The following MROH1 variants were observed in gnomAD, a reference collection of about 807,000 sequenced individuals.
MROH1 encodes maestro heat like repeat family member 1, also known as maestro heat-like repeat-containing protein family member 1.
In MROH1, 117 loss-of-function variants were observed where a neutral mutation model predicts 116.5. The ratio of observed to expected loss-of-function variants is 1.00; its 90% CI spans 0.86 to 1.17. The LOEUF (loss-of-function observed/expected upper bound fraction) is 1.17, where lower values mean the gene tolerates loss of function less well. MROH1 is among the 50% of genes most tolerant of loss of function. MROH1 has a pLI of 0.00. For missense variants in MROH1, 1,873 were observed against 1,338.5 expected (o/e 1.40, Z -6.23); for synonymous variants, 921 against 583.9 (o/e 1.58, Z -8.32).
chr8:144,185,881 T>C (rs1225214339), intron 7 of MROH1, among the ~76,000 whole-genome samples: 1 of 11,158 alleles, frequency 9.0e-5, no homozygotes, highest in Admixed American at 1.1e-3. Flanking sequence ...GCAGGGACCG[T>C]GGGGGGATGG....
chr8:144,201,037 AAAT>A (rs557098154), intron 12 of MROH1: 2 of 152,410 alleles, frequency 1.3e-5, no homozygotes. Context: ...TAGACTAAAA[AAAT>A]TCACGTTTCC....
chr8:144,257,737 G>A lies in MROH1; in HGVS notation c.3792-1040G>A, dbSNP rs966539923. On this transcript the variant is annotated intron_variant, in intron 35 of 43. Transcript: ENST00000326134. ...GGGCCCTGTGGGACACCTGGCAGGA[G>A]GTGACCAGGGCAGTGGCACTGTCAC... is the stretch of plus-strand genomic sequence containing the variant. 9.8e-3 allele frequency among the ~76,000 whole-genome samples: 1,499 copies of A among 152,356 alleles called. 28 individuals carry two copies. The highest frequency in any genetic ancestry group is 0.035 in the African/African-American group (1,436 of 41,582).
intron 10 of MROH1, among the ~76,000 whole-genome samples, chr8:144,195,060 T>C (rs1042765034): frequency 1.3e-4 from 19 of 151,358 alleles, no homozygotes; most frequent in Admixed American, 9.2e-4. Flanking sequence ...CCAGGTGTCA[T>C]GGCGCATGCC....
chr8:144,237,210 C>G (rs1389958320), intron 14 of MROH1, among the ~76,000 whole-genome samples: 1 of 152,166 alleles, frequency 6.6e-6, no homozygotes, highest in African/African-American at 2.4e-5. Context: ...TGGCCAGAGC[C>G]TCTCCTATTC....
At chr8:144,256,349 G>A (rs1843778656) in intron 35 of MROH1, among the ~76,000 whole-genome samples, 1 of 148,584 alleles carries the variant, frequency 6.7e-6, no homozygotes, top group Non-Finnish European at 1.5e-5. Flanking sequence ...CCAGGTTTGG[G>A]TGTGCACCTT....
intron 12 of MROH1, among the ~76,000 whole-genome samples, chr8:144,211,032 C>A (rs983156411): frequency 6.6e-6 from 1 of 152,178 alleles, no homozygotes; most frequent in African/African-American, 2.4e-5. Flanking sequence ...CCCCTCCGTT[C>A]TTCTCTTTCT....
chr8:144,218,655 C>CT (rs1835806501), intron 12 of MROH1, among the ~76,000 whole-genome samples: 1 of 114,400 alleles, frequency 8.7e-6, no homozygotes, highest in Non-Finnish European at 1.8e-5. Context: ...ACCATCCTCC[C>CT]CTCCTCTCCC....
Position 144,179,643 on chromosome 8 carries a change from GCTT to G in MROH1, c.300+61_300+63del, listed in dbSNP as rs1825034978. On this transcript the variant is annotated intron_variant, in intron 5 of 43. Transcript: ENST00000326134. ...CAGGCCTAGCTTGGGAAGGGAAGCTGCTTCTTGGCCTTTCTACCCAGCAGCCTT... is the reference window on the plus strand; with the variant it reads ...CAGGCCTAGCTTGGGAAGGGAAGCTGCTTGGCCTTTCTACCCAGCAGCCTT... The G allele has an allele frequency of 7.1e-6, 11 of 1,554,426 alleles. No homozygotes were observed. In the African/African-American group the frequency reaches 1.2e-4, roughly 17 times the overall value.
intron 2 of MROH1, among the ~76,000 whole-genome samples, chr8:144,161,395 C>T (rs1383837296): frequency 6.6e-6 from 1 of 152,192 alleles, no homozygotes; most frequent in Non-Finnish European, 1.5e-5. Flanking sequence ...CTCTAAAGTT[C>T]TCTCTGGGCA....
At chr8:144,169,200 G>A (rs1402410336) in intron 4 of MROH1, among the ~76,000 whole-genome samples, 2 of 152,166 alleles carry the variant, frequency 1.3e-5, no homozygotes, top group Non-Finnish European at 2.9e-5. Flanking sequence ...AGGGGAAGAG[G>A]CTTTTGCAGT....
chr8:144,217,214 G>T (rs1255494803), intron 12 of MROH1, among the ~76,000 whole-genome samples: 1 of 152,182 alleles, frequency 6.6e-6, no homozygotes, highest in Non-Finnish European at 1.5e-5. Flanking sequence ...AGTGACAGGG[G>T]TGGCAGACAA....
chr8:144,161,836 C>T (rs1819611457), intron 2 of MROH1, among the ~76,000 whole-genome samples: 1 of 152,146 alleles, frequency 6.6e-6, no homozygotes, highest in Non-Finnish European at 1.5e-5. Context: ...TGCTGGCTAC[C>T]CGCAGGGCAC....
In MROH1 at chr8:144,242,445, C is replaced by T. The variant is rs1841171911; in HGVS notation, c.2255C>T (p.Pro752Leu). The change falls in exon 23 of 44, where the codon CCC (proline) becomes CTC (leucine). Residue 752 changes from proline to leucine, a missense_variant. Coordinates refer to ENST00000326134, the MANE Select transcript of MROH1 (RefSeq NM_032450.3). The part of the protein sequence containing the change: ...LCYGHVAARA[P>L]RELVLAKVES... ...TATGGGCACGTGGCGGCCCGGGCCC[C>T]CCGGGAGCTGGTGCTGGCCAAGGTA... is the stretch of plus-strand genomic sequence containing the variant. The T allele has an allele frequency of 9.0e-6, 7 of 780,534 alleles. No individual in the cohort carries two copies. Among genetic ancestry groups the T allele is most frequent in the Admixed American group, 1.7e-5 (1 of 59,012 alleles). 48.4% of individuals were successfully genotyped at this position (780,534 alleles called of 1,614,324 possible). A position where few individuals can be genotyped will look rare whatever the true frequency, so the allele number is the denominator to read the frequency against.
Position 144,212,771 on chromosome 8 carries a change from A to G in MROH1, c.1142-7829A>G, listed in dbSNP as rs138791907. Among the ~76,000 whole-genome samples, 654 of 151,426 alleles carry G rather than the reference A, an allele frequency of 4.3e-3. 6 individuals carry two copies. Among genetic ancestry groups the G allele is most frequent in the African/African-American group, 0.015 (618 of 41,260 alleles). On this transcript the variant is annotated intron_variant, in intron 12 of 43. Transcript: ENST00000326134. ...CACCCAGTTAATTTTTGTATTTTTT[A>G]GTACAGATAGGGTTTCACCATGTTG...
At chr8:144,209,819 T>A (rs2132077229) in intron 12 of MROH1, among the ~76,000 whole-genome samples, 1 of 148,210 alleles carries the variant, frequency 6.7e-6, no homozygotes, top group African/African-American at 2.5e-5. Context: ...GGTGAGAGGA[T>A]CACCTGAGCC....
intron 3 of MROH1, among the ~76,000 whole-genome samples, chr8:144,167,754 A>G (rs1398683040): frequency 6.6e-6 from 1 of 152,126 alleles, no homozygotes; most frequent in Non-Finnish European, 1.5e-5. Context: ...GGATGAGGCT[A>G]TGTCTTTATT....
At position 144,214,711 on chromosome 8, in the gene MROH1, C is replaced by G. The variant is rs147688027; in HGVS notation, c.1142-5889C>G. On this transcript the variant is annotated intron_variant, in intron 12 of 43. Coordinates refer to ENST00000326134, the MANE Select transcript of MROH1 (RefSeq NM_032450.3). ...CTTTGTCTCCTCTTCTGGGAGGCAA[C>G]TGCTCATGGCTCATGTCCATTTTTC... 3.7e-3 allele frequency among the ~76,000 whole-genome samples: 565 copies of G among 152,320 alleles called. 2 individuals carry two copies. The highest frequency in any genetic ancestry group is 0.013 in the African/African-American group (537 of 41,578).
intron 4 of MROH1, among the ~76,000 whole-genome samples, chr8:144,176,036 G>A (rs1220039111): frequency 6.6e-6 from 1 of 151,856 alleles, no homozygotes; most frequent in Admixed American, 6.6e-5. Context: ...GTGACAGGGC[G>A]AGACTCTGTC....
chr8:144,231,284 C>T (rs1249881844), intron 14 of MROH1, among the ~76,000 whole-genome samples: 6 of 152,026 alleles, frequency 3.9e-5, no homozygotes, highest in African/African-American at 1.2e-4. Context: ...TCCACAAAGC[C>T]GCCATTGTCA....
Sources: allele counts gnomAD v4.1 joint callset (sites outside exome capture counted in the v4.1 genomes callset), GRCh38; gene constraint gnomAD v4.1.1; transcripts MANE v1.5; gene names NCBI Gene and HGNC (gene_info 2026-07-23, HGNC 2026-07-21).